WDPCP: variants seen among roughly 807,000 people sequenced by gnomAD.
The protein encoded by WDPCP is WD repeat-containing and planar cell polarity effector protein fritz homolog.
A neutral mutation model predicts 93.1 loss-of-function variants in WDPCP; 71 were observed. The observed-to-expected ratio is 0.76, with a 90% CI of 0.63 to 0.93. The LOEUF (loss-of-function observed/expected upper bound fraction) is 0.93, where lower values mean the gene tolerates loss of function less well. Among genes scored for constraint, WDPCP ranks in the 40% least tolerant of loss-of-function variants. WDPCP has a pLI of 0.00. For missense variants in WDPCP, 844 were observed against 887.4 expected, an observed-to-expected ratio of 0.95 and a Z score of 0.62; for synonymous variants, 315 against 315.0, an observed-to-expected ratio of 1.00 and a Z score of 0.00.
At chr2:63,247,226 C>T (rs545139403) in intron 14 of WDPCP, among the ~76,000 whole-genome samples, 3 of 152,262 alleles carry the variant, frequency 2.0e-5, no homozygotes, top group Middle Eastern at 3.4e-3. Context: ...ATCTTTTACT[C>T]AGAACACAAC....
intron 2 of WDPCP, among the ~76,000 whole-genome samples, chr2:63,810,363 G>A (rs925366581): frequency 1.8e-4 from 28 of 152,284 alleles, no homozygotes; most frequent in Middle Eastern, 3.4e-3. Flanking sequence ...AAAAGATACA[G>A]GCATATAAAA....
intron 1 of WDPCP, among the ~76,000 whole-genome samples, chr2:63,568,309 A>G (rs999851154): frequency 6.6e-6 from 1 of 151,746 alleles, no homozygotes; most frequent in East Asian, 1.9e-4. Flanking sequence ...GAAAGAAGGA[A>G]GAAGTCTCTG....
intron 14 of WDPCP, among the ~76,000 whole-genome samples, chr2:63,230,998 A>G (rs1454364357): frequency 6.6e-6 from 1 of 152,124 alleles, no homozygotes; most frequent in African/African-American, 2.4e-5. Context: ...TTAATCCTCA[A>G]TAAAATACTG....
intron 13 of WDPCP, among the ~76,000 whole-genome samples, chr2:63,293,395 C>G (rs1575076406): frequency 6.6e-6 from 1 of 152,034 alleles, no homozygotes. Flanking sequence ...TAATAAAAAA[C>G]AGCAAACCCT....
intron 15 of WDPCP, among the ~76,000 whole-genome samples, 193 bp from the exon 16 acceptor site, chr2:63,153,767 A>C (rs1473351141): frequency 1.3e-5 from 2 of 152,136 alleles, no homozygotes; most frequent in Middle Eastern, 3.4e-3. Context: ...AAAACAGAGA[A>C]AGCCACTTTT....
In WDPCP at chr2:63,484,916, C is replaced by A; in HGVS notation, c.324+1G>T. ...CATTTTTGAAACTTTTTGAAAGATA[C>A]CTCCAACTCTTTGAGCGAGTCTCGG... is the stretch of plus-strand genomic sequence containing the variant. On this transcript the variant is annotated splice_donor_variant, in intron 5 of 17. Coordinates refer to ENST00000272321, the MANE Select transcript of WDPCP (RefSeq NM_015910.7). LOFTEE classifies it high-confidence loss of function. 6.2e-7 allele frequency: 1 copy of A among 1,612,262 alleles called. No homozygotes were observed. The highest frequency in any genetic ancestry group is 1.3e-5 in the African/African-American group (1 of 74,916).
intron 3 of WDPCP, among the ~76,000 whole-genome samples, chr2:63,640,539 A>G (rs888218029): frequency 2.0e-5 from 3 of 152,208 alleles, no homozygotes; most frequent in Non-Finnish European, 2.9e-5. Context: ...GAGTGTTTAT[A>G]TAGTTTTCTT....
chr2:63,731,318 G>GT (rs1558897065), intron 2 of WDPCP, among the ~76,000 whole-genome samples: 1 of 151,778 alleles, frequency 6.6e-6, no homozygotes, highest in Non-Finnish European at 1.5e-5. Context: ...ACTGTTGGGG[G>GT]TTTTTTTGTT....
chr2:63,134,077 C>T (rs1670459255), intron 17 of WDPCP, among the ~76,000 whole-genome samples: 1 of 152,100 alleles, frequency 6.6e-6, no homozygotes, highest in Non-Finnish European at 1.5e-5. Flanking sequence ...GTTTTCTAAT[C>T]GTTGTTTCCT....
intron 17 of WDPCP, among the ~76,000 whole-genome samples, chr2:63,125,608 TTTG>T (rs1260984774): frequency 6.6e-6 from 1 of 152,122 alleles, no homozygotes. Context: ...TTCAGTTTTT[TTTG>T]TTTTGTTTTT....
intron 3 of WDPCP, among the ~76,000 whole-genome samples, chr2:63,630,563 C>T (rs1164899355): frequency 6.6e-6 from 1 of 152,004 alleles, no homozygotes; most frequent in Admixed American, 6.6e-5. Flanking sequence ...GATCATTCCA[C>T]CAAGAAGACA....
chr2:63,127,059 C>G (rs762118935), intron 17 of WDPCP, among the ~76,000 whole-genome samples: 1 of 151,608 alleles, frequency 6.6e-6, no homozygotes, highest in Non-Finnish European at 1.5e-5. Context: ...GTGAAATGCC[C>G]CAAATCTTTC....
chr2:63,473,102 C>T (rs1699784291), intron 6 of WDPCP, among the ~76,000 whole-genome samples: 1 of 152,194 alleles, frequency 6.6e-6, no homozygotes, highest in African/African-American at 2.4e-5. Context: ...AGTTGGTTTA[C>T]ATGGGTAGGC....
chr2:63,581,012 C>A (rs1708460268), intron 1 of WDPCP, among the ~76,000 whole-genome samples: 1 of 152,074 alleles, frequency 6.6e-6, no homozygotes, highest in African/African-American at 2.4e-5. Context: ...CTTAGAAGTT[C>A]TTTTTACTAT....
chr2:63,146,839 A>G lies in WDPCP; in HGVS notation c.2190+6075T>C, dbSNP rs576033008. 1.3e-4 allele frequency among the ~76,000 whole-genome samples: 20 copies of G among 152,384 alleles called. No individual in the cohort carries two copies. The South Asian group carries it at 2.7e-3, about 21-fold the overall frequency. ...GATAAAGGGACAGGTTAATGGACAG[A>G]TAAGTGATAACGCAATTATTGTAAG... On this transcript the variant is annotated intron_variant, in intron 17 of 17. Transcript: ENST00000272321.
intron 2 of WDPCP, among the ~76,000 whole-genome samples, chr2:63,740,243 GC>G (rs1558899281): frequency 6.6e-6 from 1 of 152,070 alleles, no homozygotes; most frequent in East Asian, 1.9e-4. Context: ...TGTATATTCA[GC>G]TGTAGGAGAT....
At chr2:63,395,114 TA>T (rs1375882623) in intron 10 of WDPCP, among the ~76,000 whole-genome samples, 2 of 152,240 alleles carry the variant, frequency 1.3e-5, no homozygotes, top group Admixed American at 6.5e-5. Context: ...AAATACATAC[TA>T]ACGTTGAAGA....
intron 8 of WDPCP, among the ~76,000 whole-genome samples, chr2:63,434,832 G>A (rs1697027157): frequency 6.6e-6 from 1 of 152,108 alleles, no homozygotes; most frequent in South Asian, 2.1e-4. Flanking sequence ...ATTCCTGTCT[G>A]CAAGGCAACA....
intron 14 of WDPCP, among the ~76,000 whole-genome samples, chr2:63,205,944 T>C (rs1055969710): frequency 6.6e-5 from 10 of 152,216 alleles, no homozygotes; most frequent in Non-Finnish European, 1.3e-4. Context: ...TCATTCGGTA[T>C]GTTACCAGCT....
Sources: allele counts gnomAD v4.1 joint callset (sites outside exome capture counted in the v4.1 genomes callset), GRCh38; gene constraint gnomAD v4.1.1; transcripts MANE v1.5; gene names NCBI Gene and HGNC (gene_info 2026-07-23, HGNC 2026-07-21).